PIP4K2A: variants seen among roughly 807,000 people sequenced by gnomAD.
The protein encoded by PIP4K2A is phosphatidylinositol 5-phosphate 4-kinase type-2 alpha.
In PIP4K2A, 14 loss-of-function variants were observed where a neutral mutation model predicts 42.9. The observed-to-expected ratio is 0.33, with a 90% CI of 0.22 to 0.51. PIP4K2A has a LOEUF of 0.51. PIP4K2A is among the 20% of genes least tolerant of loss of function. The probability of loss-of-function intolerance (pLI) is 0.97; values close to 1 mark genes in which losing one functional copy is unlikely to be tolerated. For missense variants in PIP4K2A, 434 were observed against 519.8 expected (o/e 0.83, Z 1.61); for synonymous variants, 192 against 192.2 (o/e 1.00, Z 0.01).
rs1009370235 is a variant in PIP4K2A at position 22,535,587 on chromosome 10, T to A, written c.*1614A>T. The A allele has an allele frequency of 6.6e-6, 1 of 152,332 alleles. No homozygotes were observed. The highest frequency in any genetic ancestry group is 1.5e-5 in the Non-Finnish European group (1 of 68,106). 9.4% of individuals were successfully genotyped at this position (152,332 alleles called of 1,614,324 possible). The stretch of plus-strand genomic sequence containing the variant: ...AATAATTAAAGGGTCGATTTTTGTT[T>A]GTTTGTTTTCTTTTCTGAAACTGCC... On this transcript the variant is annotated 3_prime_UTR_variant, in exon 10 of 10. Coordinates refer to ENST00000376573, the MANE Select transcript of PIP4K2A (RefSeq NM_005028.5).
At chr10:22,546,204 C>A (rs551777817) in intron 7 of PIP4K2A, among the ~76,000 whole-genome samples, 2 of 151,968 alleles carry the variant, frequency 1.3e-5, no homozygotes, top group Non-Finnish European at 2.9e-5. Flanking sequence ...ACAGGGGTGT[C>A]GAAGAATTAA....
At chr10:22,588,120 A>G (rs1837439116) in intron 4 of PIP4K2A, among the ~76,000 whole-genome samples, 1 of 152,210 alleles carries the variant, frequency 6.6e-6, no homozygotes, top group South Asian at 2.1e-4. Flanking sequence ...TATGAGTGGC[A>G]TGTCCACCTT....
chr10:22,609,638 T>C lies in PIP4K2A; in HGVS notation c.224A>G (p.Asp75Gly). The change falls in exon 2 of 10, where the codon GAC (aspartate) becomes GGC (glycine). Residue 75 changes from aspartate to glycine, a missense_variant. Asp to Gly is a moderately conservative substitution (Grantham distance 94). This residue lies in a region of PIP4K2A where 395 missense variants were observed against 444.5 expected (regional missense o/e 0.89). Coordinates refer to ENST00000376573, the MANE Select transcript of PIP4K2A (RefSeq NM_005028.5). ...TACTTACTTGTTAAAAAGGTGATTG[T>C]CCACCTTTATTTTTGAATAGGCTTT... Reference protein sequence around the residue: ...DFKAYSKIKVDNHLFNKENMP... With the variant: ...DFKAYSKIKVGNHLFNKENMP... 4 of 1,585,518 alleles carry C rather than the reference T, an allele frequency of 2.5e-6. No individual in the cohort carries two copies. The highest frequency in any genetic ancestry group is 3.5e-6 in the Non-Finnish European group (4 of 1,154,246).
chr10:22,549,256 CTG>C (rs563186055), intron 7 of PIP4K2A, among the ~76,000 whole-genome samples: 80 of 152,106 alleles, frequency 5.3e-4, no homozygotes, highest in African/African-American at 1.7e-3. Flanking sequence ...ATAAAAAGAA[CTG>C]TTAGAAGATT....
chr10:22,580,889 C>CA (rs1404805550), intron 4 of PIP4K2A, among the ~76,000 whole-genome samples: 2 of 152,204 alleles, frequency 1.3e-5, no homozygotes, highest in East Asian at 3.8e-4. Context: ...ACAGACTCGA[C>CA]AGGTGCAGTG....
At chr10:22,647,629 T>G (rs1414344065) in intron 1 of PIP4K2A, among the ~76,000 whole-genome samples, 3 of 152,206 alleles carry the variant, frequency 2.0e-5, no homozygotes, top group Non-Finnish European at 4.4e-5. Flanking sequence ...GTGTGATAGA[T>G]GACATGAAAC....
chr10:22,634,055 TCAAA>T (rs1318870070), intron 1 of PIP4K2A, among the ~76,000 whole-genome samples: 5 of 152,142 alleles, frequency 3.3e-5, no homozygotes, highest in African/African-American at 9.7e-5. Context: ...TGTAGTTAAA[TCAAA>T]ATATGATTAT....
chr10:22,664,389 T>C (rs1839309654), intron 1 of PIP4K2A, among the ~76,000 whole-genome samples: 1 of 150,708 alleles, frequency 6.6e-6, no homozygotes, highest in African/African-American at 2.4e-5. Flanking sequence ...TTATGTTTCC[T>C]GGCTATTTAT....
At chr10:22,640,654 C>G (rs968525476) in intron 1 of PIP4K2A, among the ~76,000 whole-genome samples, 2 of 152,180 alleles carry the variant, frequency 1.3e-5, no homozygotes, top group African/African-American at 4.8e-5. Flanking sequence ...TGGGCACATC[C>G]TAATATCCAG....
intron 3 of PIP4K2A, among the ~76,000 whole-genome samples, chr10:22,605,757 A>G (rs1837893049): frequency 6.6e-6 from 1 of 151,976 alleles, no homozygotes. Context: ...GGACGTGGAG[A>G]GAAGGAGGAA....
intron 7 of PIP4K2A, among the ~76,000 whole-genome samples, chr10:22,547,487 G>C (rs1836285782): frequency 6.6e-6 from 1 of 152,194 alleles, no homozygotes; most frequent in Non-Finnish European, 1.5e-5. Context: ...CTGTCAAGGG[G>C]CTGTTTTGAG....
chr10:22,710,139 T>C (rs1833888769), intron 1 of PIP4K2A, among the ~76,000 whole-genome samples: 1 of 150,004 alleles, frequency 6.7e-6, no homozygotes, highest in African/African-American at 2.5e-5. Flanking sequence ...TTGTGGAGAA[T>C]ATAATCAAAG....
chr10:22,537,183 C>T lies in PIP4K2A; in HGVS notation c.*18G>A, dbSNP rs1455416020. The T allele has an allele frequency of 3.2e-6, 5 of 1,585,480 alleles. No individual in the cohort carries two copies. Among genetic ancestry groups the T allele is most frequent in the Non-Finnish European group, 4.3e-6 (5 of 1,160,706 alleles). On this transcript the variant is annotated 3_prime_UTR_variant, in exon 10 of 10. Coordinates refer to ENST00000376573, the MANE Select transcript of PIP4K2A (RefSeq NM_005028.5). ...CTGTCCATCCAATGTTCATGTCTGT[C>T]CGAGGCTGCGCAGGAGGTTACGTCA...
chr10:22,669,637 G>T (rs978676955), intron 1 of PIP4K2A, among the ~76,000 whole-genome samples: 1 of 152,154 alleles, frequency 6.6e-6, no homozygotes, highest in Non-Finnish European at 1.5e-5. Context: ...TATTGCGGGC[G>T]TGCCCACTGG....
chr10:22,689,355 C>A (rs1318781277), intron 1 of PIP4K2A, among the ~76,000 whole-genome samples: 3 of 152,126 alleles, frequency 2.0e-5, no homozygotes, highest in African/African-American at 7.2e-5. Context: ...AGATGAAGCC[C>A]ACACAACAGG....
chr10:22,546,532 T>C (rs1304705861), intron 7 of PIP4K2A, among the ~76,000 whole-genome samples: 1 of 152,082 alleles, frequency 6.6e-6, no homozygotes, highest in Non-Finnish European at 1.5e-5. Flanking sequence ...CTGCTTCAGC[T>C]TCCCTAGTAG....
intron 1 of PIP4K2A, among the ~76,000 whole-genome samples, chr10:22,660,449 C>T (rs1426332299): frequency 2.6e-5 from 4 of 151,914 alleles, no homozygotes; most frequent in South Asian, 4.2e-4. Flanking sequence ...CCAGCCTGGG[C>T]GACAGAGTGA....
At chr10:22,700,372 A>G (rs758121552) in intron 1 of PIP4K2A, among the ~76,000 whole-genome samples, 3 of 152,266 alleles carry the variant, frequency 2.0e-5, no homozygotes, top group African/African-American at 4.8e-5. Context: ...ATTCAAATCT[A>G]TAAGGGGACT....
intron 3 of PIP4K2A, among the ~76,000 whole-genome samples, chr10:22,598,024 G>C (rs150813924): frequency 1.3e-5 from 2 of 152,294 alleles, no homozygotes; most frequent in East Asian, 3.9e-4. Context: ...GGACACACTT[G>C]GAGAGTTATA....
Sources: allele counts gnomAD v4.1 joint callset (sites outside exome capture counted in the v4.1 genomes callset), GRCh38; gene constraint gnomAD v4.1.1; regional missense constraint gnomAD v4.1.1; transcripts MANE v1.5; gene names NCBI Gene and HGNC (gene_info 2026-07-23, HGNC 2026-07-21).